Variants in EDIL3 observed in about 807,000 individuals in gnomAD.
EDIL3 encodes the protein EGF-like repeat and discoidin I-like domain-containing protein 3.
Under a neutral mutation model 67.4 loss-of-function variants are expected in EDIL3, and 37 were observed. The observed-to-expected ratio is 0.55, with a 90% confidence interval of 0.42 to 0.72. EDIL3 has a LOEUF of 0.72. Ranked by LOEUF, EDIL3 falls within the 30% of genes least tolerant of loss-of-function variation. EDIL3 has a pLI of 0.00. For synonymous variants in EDIL3, 195 were observed against 196.3 expected (o/e 0.99, Z 0.05); for missense variants, 527 against 586.3 (o/e 0.90, Z 1.04).
intron 3 of EDIL3, among the ~76,000 whole-genome samples, chr5:84,193,241 T>C (rs74546562): frequency 0.035 from 5,303 of 152,014 alleles, 318 homozygotes; most frequent in African/African-American, 0.12. Flanking sequence ...TAAGAATCAT[T>C]GTACTTGTCC....
chr5:84,307,039 C>T (rs942138656), intron 1 of EDIL3, among the ~76,000 whole-genome samples: 7 of 152,088 alleles, frequency 4.6e-5, no homozygotes, highest in Non-Finnish European at 1.0e-4. Flanking sequence ...GTACAAGATG[C>T]TAGAGACAGA....
chr5:84,326,658 T>C (rs1746762896), intron 1 of EDIL3, among the ~76,000 whole-genome samples: 1 of 152,042 alleles, frequency 6.6e-6, no homozygotes, highest in Non-Finnish European at 1.5e-5. Context: ...GAGATCTCTT[T>C]GTCTCTAGCA....
At chr5:84,071,590 C>G (rs1258288629) in intron 6 of EDIL3, among the ~76,000 whole-genome samples, 1 of 152,054 alleles carries the variant, frequency 6.6e-6, no homozygotes, top group Non-Finnish European at 1.5e-5. Flanking sequence ...AGCAAAGAAG[C>G]AAAGAGACAC....
At chr5:84,072,638 G>A (rs1442369017) in intron 6 of EDIL3, among the ~76,000 whole-genome samples, 2 of 152,158 alleles carry the variant, frequency 1.3e-5, no homozygotes, top group Non-Finnish European at 2.9e-5. Flanking sequence ...CTACAAGTAT[G>A]AGTAAACTGA....
chr5:84,056,333 A>G (rs1195640111), intron 9 of EDIL3, among the ~76,000 whole-genome samples: 2 of 151,152 alleles, frequency 1.3e-5, no homozygotes, highest in African/African-American at 4.9e-5. Context: ...GGGTGGGGTG[A>G]GGGGGGAGGT....
chr5:84,165,676 G>C (rs574310562), intron 4 of EDIL3, among the ~76,000 whole-genome samples: 3 of 152,244 alleles, frequency 2.0e-5, no homozygotes, highest in African/African-American at 7.2e-5. Context: ...CAGCAAGAGA[G>C]GCAAATGGCT....
At chr5:84,206,099 T>C (rs1284072473) in intron 3 of EDIL3, among the ~76,000 whole-genome samples, 1 of 151,106 alleles carries the variant, frequency 6.6e-6, no homozygotes. Flanking sequence ...TCCCAGAGAT[T>C]CTGGTATGTT....
chr5:84,089,968 A>C (rs1747135931), intron 6 of EDIL3, among the ~76,000 whole-genome samples: 1 of 152,238 alleles, frequency 6.6e-6, no homozygotes, highest in African/African-American at 2.4e-5. Flanking sequence ...GTTGCACAGA[A>C]AACAAGTATT....
chr5:84,383,648 C>G (rs530765368), intron 1 of EDIL3, among the ~76,000 whole-genome samples: 1 of 152,098 alleles, frequency 6.6e-6, no homozygotes, highest in African/African-American at 2.4e-5. Context: ...AGCTCCAGGC[C>G]CCTGGGGTCA....
In EDIL3 at chr5:84,384,297, C is replaced by G. The variant is rs774181261; in HGVS notation, c.67+11G>C. ...ATCCCTCACCCAGCTGTCCGGGTCC[C>G]GACGCCTTACCTTTGCCGAACTGGG... On this transcript the variant is annotated intron_variant, in intron 1 of 10. Transcript: ENST00000296591. 1.3e-5 allele frequency: 21 copies of G among 1,606,500 alleles called. No individual in the cohort carries two copies. The East Asian group carries it at 3.9e-4, about 30-fold the overall frequency.
intron 3 of EDIL3, among the ~76,000 whole-genome samples, chr5:84,223,249 A>G (rs1744382392): frequency 6.6e-6 from 1 of 151,760 alleles, no homozygotes; most frequent in Admixed American, 6.6e-5. Context: ...CTCAAAAAAA[A>G]TTAAAAGTCT....
intron 4 of EDIL3, 148 bp downstream of exon 4, chr5:84,180,245 G>A (rs995613140): frequency 1.2e-6 from 1 of 811,554 alleles, no homozygotes; most frequent in Non-Finnish European, 1.8e-6. Context: ...TGGACATGGT[G>A]TATTCCATGG....
At chr5:84,174,297 G>A (rs1352784366) in intron 4 of EDIL3, among the ~76,000 whole-genome samples, 8 of 152,206 alleles carry the variant, frequency 5.3e-5, no homozygotes, top group African/African-American at 1.4e-4. Flanking sequence ...TGGGAGCAAT[G>A]GTGGCCAGGG....
At chr5:83,953,507 T>C (rs1418077010) in intron 10 of EDIL3, among the ~76,000 whole-genome samples, 1 of 151,862 alleles carries the variant, frequency 6.6e-6, no homozygotes, top group East Asian at 1.9e-4. Context: ...AATTTTGTTA[T>C]GTAAAAGTTA....
intron 9 of EDIL3, among the ~76,000 whole-genome samples, chr5:83,975,047 G>T (rs906115867): frequency 6.6e-6 from 1 of 151,996 alleles, no homozygotes; most frequent in Non-Finnish European, 1.5e-5. Flanking sequence ...CCTACAGTAC[G>T]ATGTGGCCTG....
chr5:84,326,227 C>A (rs1464037021), intron 1 of EDIL3, among the ~76,000 whole-genome samples: 3 of 152,030 alleles, frequency 2.0e-5, no homozygotes, highest in Admixed American at 2.0e-4. Context: ...GGCTTCCTAG[C>A]TTCCAAAACT....
intron 1 of EDIL3, among the ~76,000 whole-genome samples, chr5:84,346,205 G>C (rs1012664020): frequency 2.3e-5 from 3 of 131,740 alleles, no homozygotes; most frequent in African/African-American, 5.8e-5. Context: ...GTGCAGTGTT[G>C]CGATCTTGGC....
intron 4 of EDIL3, among the ~76,000 whole-genome samples, chr5:84,179,109 G>C (rs1372364229): frequency 1.3e-5 from 2 of 152,260 alleles, no homozygotes; most frequent in African/African-American, 4.8e-5. Context: ...TCTGGGCACT[G>C]CCTCTGATGC....
intron 2 of EDIL3, among the ~76,000 whole-genome samples, chr5:84,233,352 G>A (rs558118704): frequency 9.2e-5 from 14 of 152,164 alleles, no homozygotes; most frequent in African/African-American, 1.7e-4. Flanking sequence ...TAATCGCCAC[G>A]AACACTAAAT....
Sources: allele counts gnomAD v4.1 joint callset (sites outside exome capture counted in the v4.1 genomes callset), GRCh38; gene constraint gnomAD v4.1.1; transcripts MANE v1.5; gene names NCBI Gene and HGNC (gene_info 2026-07-23, HGNC 2026-07-21).